MICAL3: variants seen among roughly 807,000 people sequenced by gnomAD.
The protein encoded by MICAL3 is microtubule associated monooxygenase, calponin and LIM domain containing 3.
A neutral mutation model predicts 207.4 loss-of-function variants in MICAL3; 62 were observed. The ratio of observed to expected loss-of-function variants is 0.30; its 90% CI spans 0.24 to 0.37. The LOEUF (loss-of-function observed/expected upper bound fraction) is 0.37, where lower values mean the gene tolerates loss of function less well. Ranked by LOEUF, MICAL3 falls within the 10% of genes least tolerant of loss-of-function variation. MICAL3 has a pLI of 1.00. For synonymous variants in MICAL3, 1,077 were observed against 1,069.3 expected (o/e 1.01, Z -0.14); for missense variants, 2,368 against 2,635.6 (o/e 0.90, Z 2.22).
chr22:18,014,767 G>A (rs1318831625), intron 1 of MICAL3, among the ~76,000 whole-genome samples: 1 of 152,210 alleles, frequency 6.6e-6, no homozygotes, highest in Non-Finnish European at 1.5e-5. Context: ...GCTGAGGCAG[G>A]TGGAGCACGA....
At position 17,893,904 on chromosome 22, in the gene MICAL3, C is replaced by A. The variant is rs918493138; in HGVS notation, c.1450G>T (p.Val484Leu). 10 of 1,550,364 alleles carry A rather than the reference C, an allele frequency of 6.5e-6. No homozygotes were observed. The Admixed American group carries it at 1.6e-4, about 24-fold the overall frequency. Residue 484 changes from valine to leucine, a missense_variant and splice_region_variant, in exon 11 of 32, where the codon GTG (valine) becomes TTG (leucine). Val to Leu is a conservative substitution (Grantham distance 32). This residue lies in a region of MICAL3 where 147 missense variants were observed against 137.7 expected (regional missense o/e 1.07). Coordinates refer to ENST00000441493, the MANE Select transcript of MICAL3 (RefSeq NM_015241.3). ...TCGCCAGTATCATATAAATGGCGCACCTGGCAGAAATTTACAAAGTCAAAC... is the reference window on the plus strand; with the variant it reads ...TCGCCAGTATCATATAAATGGCGCAACTGGCAGAAATTTACAAAGTCAAAC... The part of the protein sequence containing the change: ...INVNFLRPSQ[V>L]RHLYDTGETK...
chr22:17,991,499 G>A (rs1921678113), intron 1 of MICAL3, among the ~76,000 whole-genome samples: 1 of 152,140 alleles, frequency 6.6e-6, no homozygotes, highest in Admixed American at 6.6e-5. Flanking sequence ...TTGCCTGAAG[G>A]GTAAGAGACA....
chr22:17,916,042 C>T (rs1351177334), intron 1 of MICAL3, among the ~76,000 whole-genome samples: 2 of 114,004 alleles, frequency 1.8e-5, no homozygotes, highest in African/African-American at 7.0e-5. Context: ...GGGGATGGAG[C>T]GAGATCCAGT....
At position 17,793,907 on chromosome 22, in the gene MICAL3, A is replaced by G. The variant is rs1226948582; in HGVS notation, c.5651-2606T>C. 3.3e-5 allele frequency: 5 copies of G among 152,262 alleles called. No homozygotes were observed. Among genetic ancestry groups the G allele is most frequent in the African/African-American group, 1.2e-4 (5 of 41,418 alleles). 9.4% of individuals were successfully genotyped at this position (152,262 alleles called of 1,614,324 possible). ...GAGGGACAGGGAGAAGGTGGAATAAAAACAAGCAGAGGACAAAAAGCATAA... is the reference window on the plus strand; with the variant it reads ...GAGGGACAGGGAGAAGGTGGAATAAGAACAAGCAGAGGACAAAAAGCATAA... On this transcript the variant is annotated intron_variant, in intron 29 of 31. Transcript: ENST00000441493. This position sits in a 1 kb window ranked among gnomAD's most constrained non-coding sequence, Gnocchi z 4.1.
At chr22:17,961,307 A>G (rs1173781193) in intron 1 of MICAL3, among the ~76,000 whole-genome samples, 1 of 152,182 alleles carries the variant, frequency 6.6e-6, no homozygotes, top group African/African-American at 2.4e-5. Flanking sequence ...AAAAGAAGCT[A>G]ACAAAAGCAC....
At chr22:17,830,246 G>C (rs890012329) in intron 21 of MICAL3, among the ~76,000 whole-genome samples, 2 of 152,160 alleles carry the variant, frequency 1.3e-5, no homozygotes, top group South Asian at 2.1e-4. Context: ...GTGGTGTCCA[G>C]CCACTGCCTG....
intron 29 of MICAL3, among the ~76,000 whole-genome samples, chr22:17,805,117 A>G (rs1282593101): frequency 6.6e-6 from 1 of 152,192 alleles, no homozygotes; most frequent in Non-Finnish European, 1.5e-5. Context: ...GAGACCCCCA[A>G]GTGAGATGAT....
In MICAL3 at chr22:17,791,295, C is replaced by A; in HGVS notation, c.5657G>T (p.Gly1886Val). Reference sequence around the variant, plus strand: ...CATCAGCTTGGGGTCGTCCTTCTTGCCCATGCCTGCCGAGAGAACGCTTGT... The same window carrying A: ...CATCAGCTTGGGGTCGTCCTTCTTGACCATGCCTGCCGAGAGAACGCTTGT... ...EKALRGEAGM[G>V]KKDDPKLMQE... The change falls in exon 30 of 32, where the codon GGC (glycine) becomes GTC (valine). Residue 1886 changes from glycine (G) to valine (V), a missense_variant. This residue lies in a region of MICAL3 where 1,770 missense variants were observed against 1,863.2 expected (regional missense o/e 0.95). Coordinates refer to ENST00000441493, the MANE Select transcript of MICAL3 (RefSeq NM_015241.3). The A allele has an allele frequency of 6.2e-7, 1 of 1,613,000 alleles. No homozygotes were observed. The highest frequency in any genetic ancestry group is 8.5e-7 in the Non-Finnish European group (1 of 1,179,484).
At position 17,822,104 on chromosome 22, in the gene MICAL3, C is replaced by T. The variant is rs1172985379; in HGVS notation, c.3374G>A (p.Gly1125Glu). 1.2e-6 allele frequency: 2 copies of T among 1,613,842 alleles called. No homozygotes were observed. Among genetic ancestry groups the T allele is most frequent in the African/African-American group, 2.7e-5 (2 of 74,956 alleles). The change falls in exon 24 of 32, where the codon GGG (glycine) becomes GAG (glutamate). Residue 1125 changes from glycine (G) to glutamate (E), a missense_variant. Around this residue, in one of 4 missense-constraint regions of MICAL3, gnomAD observed 1,770 missense variants for 1,863.2 expected, o/e 0.95. Coordinates refer to ENST00000441493, the MANE Select transcript of MICAL3 (RefSeq NM_015241.3). ...CACCCTCAGCTCCAGCTCTGCTTCCCCCTCAGCTGGGCACGGCAAACGCAG... is the reference window on the plus strand; with the variant it reads ...CACCCTCAGCTCCAGCTCTGCTTCCTCCTCAGCTGGGCACGGCAAACGCAG... Reference protein sequence around the residue: ...RELRLPCPAEGEAELELRVSE... With the variant: ...RELRLPCPAEEEAELELRVSE...
At chr22:18,017,672 G>A (rs1204531745) in intron 1 of MICAL3, among the ~76,000 whole-genome samples, 2 of 148,576 alleles carry the variant, frequency 1.3e-5, no homozygotes, top group African/African-American at 5.0e-5. Flanking sequence ...TGCAACCTCT[G>A]CCTCCCGGGT....
chr22:18,015,614 T>C (rs974874645), intron 1 of MICAL3, among the ~76,000 whole-genome samples: 2 of 152,042 alleles, frequency 1.3e-5, no homozygotes, highest in African/African-American at 2.4e-5. Flanking sequence ...GGTTTCACCA[T>C]GCTAGCCAGC....
At chr22:17,923,713 G>C (rs969329392) in intron 1 of MICAL3, among the ~76,000 whole-genome samples, 13 of 152,202 alleles carry the variant, frequency 8.5e-5, no homozygotes, top group African/African-American at 3.1e-4. Flanking sequence ...CTTGCTCCAA[G>C]GACTGAAACC....
intron 1 of MICAL3, among the ~76,000 whole-genome samples, chr22:17,928,216 C>T (rs757728311): frequency 3.3e-5 from 5 of 151,934 alleles, no homozygotes; most frequent in South Asian, 2.1e-4. Flanking sequence ...GAGGCGGGCG[C>T]ATCACGAGGT....
intron 9 of MICAL3, 136 bp downstream of exon 9, chr22:17,896,110 C>T: frequency 1.8e-6 from 1 of 562,422 alleles, no homozygotes; most frequent in Admixed American, 3.2e-5. Flanking sequence ...CTTGCCTTTC[C>T]TCTTTTCCAC....
At chr22:17,974,633 A>T (rs1935558096) in intron 1 of MICAL3, among the ~76,000 whole-genome samples, 1 of 151,108 alleles carries the variant, frequency 6.6e-6, no homozygotes, top group Non-Finnish European at 1.5e-5. Context: ...CTGAGGCAGG[A>T]GAATCGCTTG....
Position 17,803,762 on chromosome 22 carries a change from G to A in MICAL3, c.5650+5082C>T, listed in dbSNP as rs904214798. 6 of 941,364 alleles carry A rather than the reference G, an allele frequency of 6.4e-6. No homozygotes were observed. The African/African-American group carries it at 7.1e-5, about 11-fold the overall frequency. The allele number at this position is 941,364 out of a possible 1,614,324, so 58.3% of individuals were successfully genotyped here. A position where few individuals can be genotyped will look rare whatever the true frequency, so the allele number is the denominator to read the frequency against. ...GCAGGGACTGGGAAGCGTGGGTGGA[G>A]AAAGGGCGTCAGCGGGGTTAGTGTC... On this transcript the variant is annotated intron_variant, in intron 29 of 31. Coordinates refer to ENST00000441493, the MANE Select transcript of MICAL3 (RefSeq NM_015241.3).
chr22:18,001,785 G>A (rs925813891), intron 1 of MICAL3, among the ~76,000 whole-genome samples: 2 of 152,250 alleles, frequency 1.3e-5, no homozygotes, highest in Non-Finnish European at 2.9e-5. Flanking sequence ...ACGGGAGACG[G>A]GAAAGAACTG....
At chr22:18,018,766 A>G (rs1419382584) in intron 1 of MICAL3, among the ~76,000 whole-genome samples, 2 of 150,984 alleles carry the variant, frequency 1.3e-5, no homozygotes, top group East Asian at 1.9e-4. Flanking sequence ...CTATCTATCT[A>G]TCTACACACA....
chr22:17,928,388 A>C (rs1933032451), intron 1 of MICAL3, among the ~76,000 whole-genome samples: 1 of 151,912 alleles, frequency 6.6e-6, no homozygotes, highest in African/African-American at 2.4e-5. Flanking sequence ...GCAGTGAGCC[A>C]AGATTGCACC....
Sources: gnomAD v4.1 joint callset for allele counts (sites outside exome capture counted in the v4.1 genomes callset) on GRCh38, gnomAD v4.1.1 for gene constraint, gnomAD v4.1.1 regional missense constraint, Gnocchi (gnomAD v3.1) non-coding constraint, MANE v1.5 for transcripts, NCBI Gene and HGNC (gene_info 2026-07-23, HGNC 2026-07-21) for gene names.